Variants in XRCC5 observed in about 807,000 individuals in gnomAD.
XRCC5 encodes DNA repair protein Ku80.
A neutral mutation model predicts 95.7 loss-of-function variants in XRCC5; 12 were observed. The observed-to-expected ratio is 0.13, with a 90% CI of 0.08 to 0.20. The LOEUF (loss-of-function observed/expected upper bound fraction) is 0.20, where lower values mean the gene tolerates loss of function less well. Ranked by LOEUF, XRCC5 falls within the 10% of genes least tolerant of loss-of-function variation. The pLI, the probability that XRCC5 is intolerant of heterozygous loss-of-function variation, is 1.00. For missense variants in XRCC5, 595 were observed against 873.9 expected, an observed-to-expected ratio of 0.68 and a Z score of 4.02; for synonymous variants, 281 against 290.3, an observed-to-expected ratio of 0.97 and a Z score of 0.33.
intron 14 of XRCC5, among the ~76,000 whole-genome samples, chr2:216,150,115 G>T (rs1688715763): frequency 6.6e-6 from 1 of 152,116 alleles, no homozygotes. Context: ...TCCAAGGAAA[G>T]AAAAAATTGC....
At chr2:216,193,459 T>C (rs1396784050) in intron 18 of XRCC5, among the ~76,000 whole-genome samples, 1 of 152,256 alleles carries the variant, frequency 6.6e-6, no homozygotes, top group Non-Finnish European at 1.5e-5. Context: ...TTTCAATCTC[T>C]TTCTGTGTGA....
At chr2:216,132,577 G>A (rs1443073620) in intron 10 of XRCC5, among the ~76,000 whole-genome samples, 190 bp downstream of exon 10, 2 of 152,190 alleles carry the variant, frequency 1.3e-5, no homozygotes, top group East Asian at 1.9e-4. Flanking sequence ...CACAAGACCC[G>A]AGGACATGGA....
intron 6 of XRCC5, among the ~76,000 whole-genome samples, chr2:216,122,574 A>G (rs1455514362): frequency 1.3e-5 from 2 of 151,156 alleles, no homozygotes; most frequent in East Asian, 1.9e-4. Context: ...CTTGGGATAC[A>G]TTTTTTGGGC....
At chr2:216,186,534 C>T (rs765374800) in intron 16 of XRCC5, among the ~76,000 whole-genome samples, 2 of 152,186 alleles carry the variant, frequency 1.3e-5, no homozygotes, top group Non-Finnish European at 2.9e-5. Flanking sequence ...ATGCCCATAT[C>T]TAAAGGTTTT....
chr2:216,125,646 G>C (rs1286208344), intron 6 of XRCC5, among the ~76,000 whole-genome samples: 2 of 152,164 alleles, frequency 1.3e-5, no homozygotes, highest in African/African-American at 4.8e-5. Flanking sequence ...CTCTGGCAGA[G>C]TTGAAATAAA....
intron 2 of XRCC5, 141 bp downstream of exon 2, chr2:216,113,270 T>C (rs921454160): frequency 1.7e-5 from 11 of 643,306 alleles, no homozygotes; most frequent in African/African-American, 1.7e-4. Context: ...TTACATGTAC[T>C]CACATACAAC....
At chr2:216,137,386 C>T (rs1377270377) in intron 11 of XRCC5, among the ~76,000 whole-genome samples, 161 bp downstream of exon 11, 2 of 151,988 alleles carry the variant, frequency 1.3e-5, no homozygotes, top group African/African-American at 2.4e-5. Context: ...CTGTTTCTCT[C>T]GAGAAATGCT....
At chr2:216,205,141 A>G (rs1307127960) in intron 20 of XRCC5, 47 bp from the exon 21 acceptor site, 6 of 1,612,660 alleles carry the variant, frequency 3.7e-6, no homozygotes, top group Non-Finnish European at 4.2e-6. Context: ...AAGCAGTGGT[A>G]TGAAATTGGC....
chr2:216,191,796 TAAG>T (rs1227502333), intron 17 of XRCC5, among the ~76,000 whole-genome samples: 1 of 152,200 alleles, frequency 6.6e-6, no homozygotes, highest in Non-Finnish European at 1.5e-5. Context: ...TTGGTTCTAT[TAAG>T]AAGTTACTAA....
intron 2 of XRCC5, among the ~76,000 whole-genome samples, chr2:216,114,641 C>T (rs1440682975): frequency 6.6e-6 from 1 of 152,056 alleles, no homozygotes; most frequent in African/African-American, 2.4e-5. Context: ...GAGGGGAAGA[C>T]AGGCGGGCAT....
chr2:216,155,676 A>G (rs1688827890), intron 14 of XRCC5, among the ~76,000 whole-genome samples: 1 of 152,248 alleles, frequency 6.6e-6, no homozygotes, highest in Non-Finnish European at 1.5e-5. Context: ...CTCTAAGGTC[A>G]CCACTGAAGG....
rs200097475 is a variant in XRCC5, at chr2:216,144,705, T to C, written c.1477-3378T>C. On this transcript the variant is annotated intron_variant, in intron 13 of 20. Transcript: ENST00000392132. ...TTGGATATCCTGGTACAGACACTCA[T>C]TGGGAAGTTACAAACAGGGTTGCAG... Among the ~76,000 whole-genome samples, 9 of 152,264 alleles carry C rather than the reference T, an allele frequency of 5.9e-5. No homozygotes were observed. In the East Asian group the frequency reaches 1.5e-3, roughly 26 times the overall value.
intron 5 of XRCC5, 124 bp from the exon 6 acceptor site, chr2:216,121,938 A>G (rs1696819812): frequency 2.4e-6 from 2 of 847,220 alleles, no homozygotes; most frequent in Non-Finnish European, 1.7e-6. Flanking sequence ...AAGGTAGGTA[A>G]GAGTCGTTTG....
intron 16 of XRCC5, among the ~76,000 whole-genome samples, chr2:216,186,812 C>T (rs2106043971): frequency 6.6e-6 from 1 of 152,314 alleles, no homozygotes; most frequent in African/African-American, 2.4e-5. Flanking sequence ...GAAAAGCACC[C>T]TGATGATCAG....
At chr2:216,119,203 T>G in intron 5 of XRCC5, 38 bp downstream of exon 5, 1 of 1,611,456 alleles carries the variant, frequency 6.2e-7, no homozygotes, top group Non-Finnish European at 8.5e-7. Flanking sequence ...ACAAATCCTA[T>G]GATTTCCTAA....
chr2:216,199,766 A>G (rs1384036946), intron 19 of XRCC5, among the ~76,000 whole-genome samples: 1 of 148,074 alleles, frequency 6.8e-6, no homozygotes, highest in Non-Finnish European at 1.5e-5. Context: ...TTTAGTATTG[A>G]GAAAGCAGTG....
intron 19 of XRCC5, among the ~76,000 whole-genome samples, chr2:216,197,186 G>C (rs1478953398): frequency 1.3e-5 from 2 of 152,168 alleles, no homozygotes; most frequent in Non-Finnish European, 2.9e-5. Flanking sequence ...TGTCTTCTTT[G>C]AAATGTAAAG....
chr2:216,196,124 T>C (rs1464239292), intron 19 of XRCC5, among the ~76,000 whole-genome samples: 1 of 151,740 alleles, frequency 6.6e-6, no homozygotes, highest in Non-Finnish European at 1.5e-5. Flanking sequence ...AATTTTCAAC[T>C]CAAGAAAGGC....
intron 4 of XRCC5, 42 bp downstream of exon 4, chr2:216,117,836 C>T (rs1171061443): frequency 6.3e-7 from 1 of 1,598,284 alleles, no homozygotes; most frequent in Non-Finnish European, 8.6e-7. Flanking sequence ...AATCTTTTTG[C>T]AAAAATTGTA....
Sources: gnomAD v4.1 joint callset for allele counts (sites outside exome capture counted in the v4.1 genomes callset) on GRCh38, gnomAD v4.1.1 for gene constraint, MANE v1.5 for transcripts, NCBI Gene and HGNC (gene_info 2026-07-23, HGNC 2026-07-21) for gene names.